The following BABAM2 variants were observed in gnomAD, a reference collection of about 807,000 sequenced individuals.
BABAM2 encodes BRISC and BRCA1 A complex member 2.
In BABAM2, 31 loss-of-function variants were observed where a neutral mutation model predicts 54.7. That is an observed-to-expected ratio of 0.57 (90% confidence interval 0.43 to 0.77). The LOEUF (loss-of-function observed/expected upper bound fraction) is 0.77. Among genes scored for constraint, BABAM2 ranks in the 30% least tolerant of loss-of-function variants. The pLI, the probability that BABAM2 is intolerant of heterozygous loss-of-function variation, is 0.00. For synonymous variants in BABAM2, 167 were observed against 162.9 expected (o/e 1.03, Z -0.19); for missense variants, 364 against 455.8 (o/e 0.80, Z 1.83).
At chr2:28,034,900 G>T (rs543523737) in intron 5 of BABAM2, among the ~76,000 whole-genome samples, 5 of 152,248 alleles carry the variant, frequency 3.3e-5, no homozygotes, top group Admixed American at 1.3e-4. Flanking sequence ...GTGGCAGGGA[G>T]TGTTTACCTT....
chr2:28,147,477 C>CT lies in BABAM2; in HGVS notation c.680+18110dup, dbSNP rs777132243. On this transcript the variant is annotated intron_variant, in intron 7 of 11. Coordinates refer to ENST00000379624, the MANE Select transcript of BABAM2 (RefSeq NM_199191.3). ...TTATAATTTTTCCCTTTAGGAAAATCTTTTTTTTTTTTTGGAGACGGAGTC... is the reference window on the plus strand; with the variant it reads ...TTATAATTTTTCCCTTTAGGAAAATCTTTTTTTTTTTTTTGGAGACGGAGTC... 2.3e-3 allele frequency among the ~76,000 whole-genome samples: 322 copies of CT among 142,856 alleles called. 1 individual carries two copies. The highest frequency in any genetic ancestry group is 4.8e-3 in the African/African-American group (186 of 39,144). 93.7% of individuals were successfully genotyped at this position (142,856 alleles called of 152,430 possible).
chr2:27,936,219 C>T (rs990680938), intron 3 of BABAM2, among the ~76,000 whole-genome samples: 10 of 152,242 alleles, frequency 6.6e-5, no homozygotes, highest in Admixed American at 2.6e-4. Context: ...CATGTCCGGC[C>T]GCAATACAGT....
At chr2:28,211,094 T>C (rs1482373867) in intron 7 of BABAM2, among the ~76,000 whole-genome samples, 1 of 152,170 alleles carries the variant, frequency 6.6e-6, no homozygotes, top group African/African-American at 2.4e-5. Context: ...TTGTATTCCC[T>C]GAGCAAATAG....
At chr2:28,004,925 G>A (rs1405105620) in intron 4 of BABAM2, among the ~76,000 whole-genome samples, 1 of 152,136 alleles carries the variant, frequency 6.6e-6, no homozygotes, top group African/African-American at 2.4e-5. Context: ...AGCCTAGTTA[G>A]CGCCTCTGGG....
In BABAM2 at chr2:28,170,569, G is replaced by T. The variant is rs906757954; in HGVS notation, c.680+41189G>T. Among the ~76,000 whole-genome samples the T allele has an allele frequency of 4.6e-5, 7 of 151,998 alleles. No homozygotes were observed. In the South Asian group the frequency reaches 1.5e-3, roughly 32 times the overall value. ...GAAAATAAAGAAAAATTAAATATAAGAAATATTTCCTCCTAAAATAGCTAA... is the reference window on the plus strand; with the variant it reads ...GAAAATAAAGAAAAATTAAATATAATAAATATTTCCTCCTAAAATAGCTAA... On this transcript the variant is annotated intron_variant, in intron 7 of 11. Transcript: ENST00000379624.
At chr2:28,073,170 A>G (rs1664327611) in intron 6 of BABAM2, among the ~76,000 whole-genome samples, 2 of 151,988 alleles carry the variant, frequency 1.3e-5, no homozygotes, top group African/African-American at 4.8e-5. Context: ...GCTTTCTTAC[A>G]CCCTTAACTA....
At chr2:28,199,740 C>G (rs1032886735) in intron 7 of BABAM2, among the ~76,000 whole-genome samples, 16 of 152,050 alleles carry the variant, frequency 1.1e-4, no homozygotes, top group Admixed American at 6.6e-5. Flanking sequence ...TCTAGGAAGG[C>G]AGCGGTGGGC....
intron 3 of BABAM2, among the ~76,000 whole-genome samples, chr2:27,970,278 G>A (rs1022358502): frequency 1.3e-5 from 2 of 152,004 alleles, no homozygotes; most frequent in South Asian, 2.1e-4. Context: ...CATTTCTTGT[G>A]ATGCTAATAC....
chr2:28,008,790 G>C (rs1674160188), intron 4 of BABAM2, among the ~76,000 whole-genome samples: 1 of 152,116 alleles, frequency 6.6e-6, no homozygotes, highest in African/African-American at 2.4e-5. Context: ...TACAGTTCTA[G>C]GCAGATGAAA....
chr2:27,906,445 G>A (rs141267701), intron 2 of BABAM2, among the ~76,000 whole-genome samples: 79 of 152,264 alleles, frequency 5.2e-4, no homozygotes, highest in African/African-American at 1.8e-3. Context: ...CAGTTTATGA[G>A]CCTTTTAACA....
intron 5 of BABAM2, among the ~76,000 whole-genome samples, chr2:28,026,800 TA>T (rs562118587): frequency 0.19 from 17,558 of 91,068 alleles, 2,500 homozygotes; most frequent in Non-Finnish European, 0.27. Context: ...TATATTTATA[TA>T]AAAAATATAT....
intron 6 of BABAM2, among the ~76,000 whole-genome samples, chr2:28,086,660 C>G (rs1422400258): frequency 1.3e-5 from 2 of 152,182 alleles, no homozygotes; most frequent in African/African-American, 4.8e-5. Flanking sequence ...TTTTATTTAA[C>G]TACTGTAAAA....
intron 10 of BABAM2, among the ~76,000 whole-genome samples, chr2:28,263,557 C>G (rs1684725627): frequency 6.6e-6 from 1 of 152,246 alleles, no homozygotes; most frequent in Non-Finnish European, 1.5e-5. Flanking sequence ...CCGCAGCCCA[C>G]AGTGAGTGAC....
At chr2:28,176,736 A>G (rs370738208) in intron 7 of BABAM2, among the ~76,000 whole-genome samples, 5 of 151,414 alleles carry the variant, frequency 3.3e-5, no homozygotes, top group East Asian at 1.9e-4. Context: ...GAAGAATTCA[A>G]TGAATGAAAT....
intron 5 of BABAM2, among the ~76,000 whole-genome samples, chr2:28,041,857 G>A (rs1273311401): frequency 6.6e-6 from 1 of 152,094 alleles, no homozygotes; most frequent in Non-Finnish European, 1.5e-5. Context: ...TCTGCCTATT[G>A]TCATGAGAAT....
intron 5 of BABAM2, among the ~76,000 whole-genome samples, chr2:28,037,438 A>G (rs866856684): frequency 6.6e-6 from 1 of 152,100 alleles, no homozygotes; most frequent in African/African-American, 2.4e-5. Context: ...TGTATAATTG[A>G]ATTATTATTA....
chr2:28,079,063 TA>T (rs1664938099), intron 6 of BABAM2, among the ~76,000 whole-genome samples: 1 of 152,206 alleles, frequency 6.6e-6, no homozygotes, highest in Non-Finnish European at 1.5e-5. Context: ...AATTGGGAAA[TA>T]CTGATCCTAC....
intron 4 of BABAM2, among the ~76,000 whole-genome samples, chr2:28,003,925 C>T (rs537443472): frequency 3.9e-5 from 6 of 152,048 alleles, no homozygotes; most frequent in African/African-American, 7.2e-5. Context: ...CTAAGTTTAC[C>T]TTTGTAATTG....
chr2:28,228,376 GC>G (rs1681075913), intron 7 of BABAM2, among the ~76,000 whole-genome samples: 1 of 152,178 alleles, frequency 6.6e-6, no homozygotes, highest in Non-Finnish European at 1.5e-5. Context: ...AAACATGTGT[GC>G]AGTGAGAAAG....
Sources: allele counts gnomAD v4.1 joint callset (sites outside exome capture counted in the v4.1 genomes callset), GRCh38; gene constraint gnomAD v4.1.1; transcripts MANE v1.5; gene names NCBI Gene and HGNC (gene_info 2026-07-23, HGNC 2026-07-21).